The following ERC2 variants were observed in gnomAD, a reference collection of about 807,000 sequenced individuals.
The protein encoded by ERC2 is ERC protein 2.
In ERC2, 42 loss-of-function variants were observed where a neutral mutation model predicts 114.8. The observed-to-expected ratio is 0.37, with a 90% confidence interval of 0.29 to 0.47. The LOEUF (loss-of-function observed/expected upper bound fraction) is 0.47. Among genes scored for constraint, ERC2 ranks in the 20% least tolerant of loss-of-function variants. ERC2 has a pLI of 0.99. For missense variants in ERC2, 939 were observed against 1,150.7 expected, an observed-to-expected ratio of 0.82 and a Z score of 2.66; for synonymous variants, 454 against 425.5, an observed-to-expected ratio of 1.07 and a Z score of -0.82.
At chr3:56,181,034 T>C (rs912169920) in intron 3 of ERC2, among the ~76,000 whole-genome samples, 1 of 152,254 alleles carries the variant, frequency 6.6e-6, no homozygotes, top group Non-Finnish European at 1.5e-5. Flanking sequence ...CAGCTGTCTA[T>C]TGCACAAAGC....
intron 13 of ERC2, among the ~76,000 whole-genome samples, chr3:55,913,663 A>G (rs1188095235): frequency 2.0e-5 from 3 of 152,196 alleles, no homozygotes; most frequent in Non-Finnish European, 4.4e-5. Context: ...ACTTTTTCCA[A>G]TGGAGAATTT....
chr3:56,215,952 A>T (rs1457665731), intron 3 of ERC2, among the ~76,000 whole-genome samples: 2 of 152,238 alleles, frequency 1.3e-5, no homozygotes, highest in Non-Finnish European at 2.9e-5. Flanking sequence ...CAACGAGAAC[A>T]AAGACACAAC....
intron 3 of ERC2, among the ~76,000 whole-genome samples, chr3:56,264,994 T>C (rs2053198644): frequency 6.6e-6 from 1 of 152,184 alleles, no homozygotes; most frequent in Non-Finnish European, 1.5e-5. Flanking sequence ...TGTTCATAAA[T>C]TGGAATAATC....
intron 17 of ERC2, among the ~76,000 whole-genome samples, chr3:55,664,840 C>T (rs916442142): frequency 4.6e-5 from 7 of 152,262 alleles, no homozygotes; most frequent in East Asian, 3.9e-4. Context: ...AATCTCGCAA[C>T]GCAGGGAGCT....
intron 13 of ERC2, among the ~76,000 whole-genome samples, chr3:55,937,070 G>C (rs1576276899): frequency 6.6e-6 from 1 of 152,322 alleles, no homozygotes; most frequent in South Asian, 2.1e-4. Context: ...GCCGGGCACA[G>C]TGGCTCACGC....
At chr3:55,560,951 C>T (rs751951769) in intron 17 of ERC2, among the ~76,000 whole-genome samples, 3 of 152,076 alleles carry the variant, frequency 2.0e-5, no homozygotes, top group Non-Finnish European at 2.9e-5. Context: ...AGTGAGTACA[C>T]GGAACCTCTT....
In ERC2 at chr3:56,296,129, G is replaced by C. The variant is rs1274265971; in HGVS notation, c.964C>G (p.Leu322Val). The C allele has an allele frequency of 6.2e-7, 1 of 1,613,912 alleles. No homozygotes were observed. Among genetic ancestry groups the C allele is most frequent in the African/African-American group, 1.3e-5 (1 of 74,942 alleles). ...CGCGTTCGCTCATTGTCATCCTCCAGGCTTTTGGATGGCAAGCCTTTACTT... is the reference window on the plus strand; with the variant it reads ...CGCGTTCGCTCATTGTCATCCTCCACGCTTTTGGATGGCAAGCCTTTACTT... ...LQSKGLPSKS[L>V]EDDNERTRRM... Residue 322 changes from leucine to valine, a missense_variant, in exon 3 of 18, where the codon CTG (leucine) becomes GTG (valine). By Grantham distance (32) the Leu-to-Val change is conservative. This residue lies in a region of ERC2 where 148 missense variants were observed against 159.1 expected (regional missense o/e 0.93). Coordinates refer to ENST00000288221, the MANE Select transcript of ERC2 (RefSeq NM_015576.3).
At chr3:56,389,542 AC>A (rs1168532351) in intron 2 of ERC2, among the ~76,000 whole-genome samples, 1 of 152,228 alleles carries the variant, frequency 6.6e-6, no homozygotes, top group African/African-American at 2.4e-5. Context: ...AGAGGGCCAC[AC>A]ATGGTCTTGT....
chr3:55,838,506 T>C (rs975592512), intron 14 of ERC2, among the ~76,000 whole-genome samples: 1 of 151,970 alleles, frequency 6.6e-6, no homozygotes, highest in Non-Finnish European at 1.5e-5. Context: ...TATTTTGAAC[T>C]GAATGAAAAC....
intron 6 of ERC2, among the ~76,000 whole-genome samples, chr3:56,086,191 T>A (rs2077491369): frequency 6.6e-6 from 1 of 152,150 alleles, no homozygotes; most frequent in South Asian, 2.1e-4. Flanking sequence ...CCATGTGTGA[T>A]CTATCAGTGC....
chr3:55,750,151 T>TAAAG (rs3059361), intron 14 of ERC2, among the ~76,000 whole-genome samples: 36,544 of 151,830 alleles, frequency 0.24, 4,891 homozygotes, highest in Admixed American at 0.33. Flanking sequence ...ACTGATCTGG[T>TAAAG]AAAGAAAAAG....
At chr3:55,591,197 T>C (rs1379597250) in intron 17 of ERC2, among the ~76,000 whole-genome samples, 1 of 152,054 alleles carries the variant, frequency 6.6e-6, no homozygotes, top group African/African-American at 2.4e-5. Flanking sequence ...TTTTTTTTTT[T>C]TTAAACAAAT....
intron 6 of ERC2, among the ~76,000 whole-genome samples, chr3:56,104,850 G>C (rs370129800): frequency 6.6e-6 from 1 of 152,124 alleles, no homozygotes; most frequent in East Asian, 1.9e-4. Context: ...ATGGGGCAGG[G>C]CAGAAGAAAG....
intron 14 of ERC2, among the ~76,000 whole-genome samples, chr3:55,822,647 C>T (rs1244697816): frequency 6.7e-6 from 1 of 148,750 alleles, no homozygotes; most frequent in African/African-American, 2.5e-5. Context: ...TCACTGCAAG[C>T]TCCGCCTCCT....
intron 17 of ERC2, among the ~76,000 whole-genome samples, chr3:55,545,269 CT>C (rs772280771): frequency 6.6e-6 from 1 of 152,230 alleles, no homozygotes; most frequent in Non-Finnish European, 1.5e-5. Flanking sequence ...CCCATCCATA[CT>C]CCAAACTCCA....
chr3:55,755,392 A>G (rs919731904), intron 14 of ERC2, among the ~76,000 whole-genome samples: 11 of 152,188 alleles, frequency 7.2e-5, no homozygotes, highest in African/African-American at 2.7e-4. Flanking sequence ...ACTCCAAAGC[A>G]TGAGAACCAA....
At chr3:56,179,476 G>A (rs549827468) in intron 3 of ERC2, among the ~76,000 whole-genome samples, 1 of 152,292 alleles carries the variant, frequency 6.6e-6, no homozygotes, top group East Asian at 1.9e-4. Flanking sequence ...TGGTTTCGGG[G>A]TGGTGGTGAT....
rs554399536 is a variant in ERC2 at position 56,128,972 on chromosome 3, C to A, written c.1473+10537G>T. Among the ~76,000 whole-genome samples, 7 of 152,306 alleles carry A rather than the reference C, an allele frequency of 4.6e-5. No homozygotes were observed. In the East Asian group the frequency reaches 1.3e-3, roughly 29 times the overall value. Reference sequence around the variant, plus strand: ...TTATAGTCATAAGGATTTAAGAAATCATCTACGTTTGAAAATTTTAAAAAA... The same window carrying A: ...TTATAGTCATAAGGATTTAAGAAATAATCTACGTTTGAAAATTTTAAAAAA... On this transcript the variant is annotated intron_variant, in intron 6 of 17. Coordinates refer to ENST00000288221, the MANE Select transcript of ERC2 (RefSeq NM_015576.3).
At chr3:56,337,364 T>C (rs2057898731) in intron 2 of ERC2, among the ~76,000 whole-genome samples, 1 of 152,158 alleles carries the variant, frequency 6.6e-6, no homozygotes, top group African/African-American at 2.4e-5. Context: ...ACTCAGGTTT[T>C]GGAGTCAAAG....
Sources: gnomAD v4.1 joint callset for allele counts (sites outside exome capture counted in the v4.1 genomes callset) on GRCh38, gnomAD v4.1.1 for gene constraint, gnomAD v4.1.1 regional missense constraint, MANE v1.5 for transcripts, NCBI Gene and HGNC (gene_info 2026-07-23, HGNC 2026-07-21) for gene names.